SPAG16: variants seen among roughly 807,000 people sequenced by gnomAD.
SPAG16 encodes the protein sperm-associated antigen 16 protein.
In SPAG16, 86 loss-of-function variants were observed where a neutral mutation model predicts 80.4. The observed-to-expected ratio is 1.07, with a 90% CI of 0.90 to 1.28. SPAG16 has a LOEUF of 1.28. SPAG16 is among the 50% of genes most tolerant of loss of function. The pLI is 0.00. For synonymous variants in SPAG16, 294 were observed against 265.9 expected (o/e 1.11, Z -1.03); for missense variants, 870 against 765.3 (o/e 1.14, Z -1.61).
At chr2:213,848,889 G>A (rs780896643) in intron 10 of SPAG16, among the ~76,000 whole-genome samples, 1 of 152,120 alleles carries the variant, frequency 6.6e-6, no homozygotes, top group Non-Finnish European at 1.5e-5. Context: ...TATGATAATA[G>A]AAACTTATTC....
In SPAG16 at chr2:213,496,299, A is replaced by G. The variant is rs533189461; in HGVS notation, c.1070+6209A>G. On this transcript the variant is annotated intron_variant, in intron 10 of 15. Transcript: ENST00000331683. ...GTGGAGTGAAAGAAAGAATTTAAGA[A>G]TGATTCCAAGGTTTTTGGCCTGAGA... 1.3e-4 allele frequency among the ~76,000 whole-genome samples: 20 copies of G among 152,278 alleles called. No homozygotes were observed. In the East Asian group the frequency reaches 3.9e-3, roughly 29 times the overall value.
intron 10 of SPAG16, among the ~76,000 whole-genome samples, chr2:213,605,665 G>GT (rs1248931011): frequency 6.6e-6 from 1 of 151,852 alleles, no homozygotes; most frequent in Non-Finnish European, 1.5e-5. Flanking sequence ...AATTTTTTAT[G>GT]TTTTTAGCAG....
intron 15 of SPAG16, among the ~76,000 whole-genome samples, chr2:214,269,277 G>C (rs1691816054): frequency 1.3e-5 from 2 of 151,792 alleles, no homozygotes; most frequent in South Asian, 2.1e-4. Context: ...AAAATCAATG[G>C]GACTTTTTCA....
chr2:214,242,465 C>T (rs2125828953), intron 15 of SPAG16, among the ~76,000 whole-genome samples: 1 of 152,292 alleles, frequency 6.6e-6, no homozygotes, highest in Middle Eastern at 3.4e-3. Flanking sequence ...TTTCTTTTCT[C>T]CTTCAGAGAC....
chr2:213,592,475 G>A (rs183416668), intron 10 of SPAG16, among the ~76,000 whole-genome samples: 8 of 152,188 alleles, frequency 5.3e-5, no homozygotes, highest in South Asian at 4.2e-4. Context: ...TCAAACTATT[G>A]GTTGAAAAGT....
chr2:213,743,646 TTGTC>T (rs1451666813), intron 10 of SPAG16, among the ~76,000 whole-genome samples: 1 of 152,220 alleles, frequency 6.6e-6, no homozygotes, highest in African/African-American at 2.4e-5. Context: ...TGTGGTAAAT[TTGTC>T]TGTCTTCTCG....
rs567703271 is a variant in SPAG16, at chr2:214,358,983, C to T, written c.1721-51157C>T. 1.7e-3 allele frequency among the ~76,000 whole-genome samples: 258 copies of T among 151,830 alleles called. 1 individual carries two copies. Among genetic ancestry groups the T allele is most frequent in the Non-Finnish European group, 3.0e-3 (206 of 67,848 alleles). On this transcript the variant is annotated intron_variant, in intron 15 of 15. Coordinates refer to ENST00000331683, the MANE Select transcript of SPAG16 (RefSeq NM_024532.5). ...TTCCTTCTAAAAAATTACTGACTTT[C>T]TTACAGTTTCACAGAGTTATAAGAG...
chr2:213,646,118 C>T (rs1348624700), intron 10 of SPAG16, among the ~76,000 whole-genome samples: 1 of 152,162 alleles, frequency 6.6e-6, no homozygotes, highest in African/African-American at 2.4e-5. Flanking sequence ...CCAAACCTGC[C>T]CCAGGTCAGG....
chr2:213,377,679 T>G (rs2066947006), intron 9 of SPAG16, among the ~76,000 whole-genome samples: 1 of 152,098 alleles, frequency 6.6e-6, no homozygotes, highest in Middle Eastern at 3.2e-3. Context: ...ACTTTTTCCC[T>G]TACTTTTTCC....
intron 10 of SPAG16, among the ~76,000 whole-genome samples, chr2:213,789,841 A>T (rs2070579435): frequency 6.6e-6 from 1 of 152,096 alleles, no homozygotes; most frequent in African/African-American, 2.4e-5. Context: ...TTCTTTTTAA[A>T]GCAGGGAAGT....
At chr2:214,357,272 T>C (rs1262467865) in intron 15 of SPAG16, among the ~76,000 whole-genome samples, 1 of 151,982 alleles carries the variant, frequency 6.6e-6, no homozygotes, top group Non-Finnish European at 1.5e-5. Context: ...TGGATTATTA[T>C]GTCATTTTCT....
chr2:214,203,985 G>T (rs2058078370), intron 15 of SPAG16, among the ~76,000 whole-genome samples: 1 of 152,168 alleles, frequency 6.6e-6, no homozygotes, highest in African/African-American at 2.4e-5. Context: ...CAGTACCGTT[G>T]TGGGGGCACA....
chr2:214,190,957 A>G (rs978736643), intron 15 of SPAG16, among the ~76,000 whole-genome samples: 2 of 152,314 alleles, frequency 1.3e-5, no homozygotes, highest in Middle Eastern at 3.4e-3. Flanking sequence ...CATATTTGTC[A>G]AAAGCTTGTA....
chr2:214,198,873 CAT>C (rs1374027096), intron 15 of SPAG16, among the ~76,000 whole-genome samples: 2 of 151,872 alleles, frequency 1.3e-5, no homozygotes, highest in East Asian at 1.9e-4. Context: ...AGCATTTTTT[CAT>C]ATGTTTGTTG....
At chr2:213,407,404 C>T (rs2068672374) in intron 9 of SPAG16, among the ~76,000 whole-genome samples, 1 of 152,058 alleles carries the variant, frequency 6.6e-6, no homozygotes, top group South Asian at 2.1e-4. Context: ...GTGAGACACC[C>T]CCTGGTTTAC....
chr2:213,997,444 A>G (rs2046576841), intron 12 of SPAG16, among the ~76,000 whole-genome samples: 1 of 152,150 alleles, frequency 6.6e-6, no homozygotes, highest in African/African-American at 2.4e-5. Context: ...TTATTTTATC[A>G]TTTTGTATAA....
intron 14 of SPAG16, among the ~76,000 whole-genome samples, chr2:214,144,440 A>G (rs1416792445): frequency 6.6e-6 from 1 of 151,798 alleles, no homozygotes; most frequent in East Asian, 1.9e-4. Context: ...TTGTTGTTTT[A>G]ATGGCTTTAT....
chr2:213,309,958 A>G (rs2063115613), intron 3 of SPAG16, 101 bp from the exon 4 acceptor site: 2 of 692,272 alleles, frequency 2.9e-6, no homozygotes, highest in South Asian at 2.1e-5. Context: ...AACATTGTTG[A>G]AAAAAAATGA....
intron 10 of SPAG16, among the ~76,000 whole-genome samples, chr2:213,526,593 T>G (rs1262824357): frequency 6.6e-6 from 1 of 152,204 alleles, no homozygotes; most frequent in Non-Finnish European, 1.5e-5. Context: ...AGAAACTTTT[T>G]GGCATCTCTT....
Sources: gnomAD v4.1 joint callset for allele counts (sites outside exome capture counted in the v4.1 genomes callset) on GRCh38, gnomAD v4.1.1 for gene constraint, MANE v1.5 for transcripts, NCBI Gene and HGNC (gene_info 2026-07-23, HGNC 2026-07-21) for gene names.